DMD: variants seen among roughly 807,000 people sequenced by gnomAD.
DMD encodes mutant dystrophin.
DMD carries 63 observed loss-of-function variants against 330.1 expected under a neutral mutation model. The observed-to-expected ratio is 0.19, with a 90% CI of 0.16 to 0.24. DMD has a LOEUF of 0.24. Ranked by LOEUF, DMD falls within the 10% of genes least tolerant of loss-of-function variation. DMD has a pLI of 1.00. For synonymous variants in DMD, 1,223 were observed against 959.8 expected, an observed-to-expected ratio of 1.27 and a Z score of -5.07; for missense variants, 3,344 against 2,684.1, an observed-to-expected ratio of 1.25 and a Z score of -5.43.
At chrX:32,292,297 A>ATTTTTTTTTTTTTTTTTTTTTT (rs1291407513) in intron 42 of DMD, among the ~76,000 whole-genome samples, 1 of 38,730 alleles carries the variant, frequency 2.6e-5, no homozygotes, top group Non-Finnish European at 4.1e-5. Context: ...AACAAAGGGA[A>ATTTTTTTTTTTTTTTTTTTTTT]TATTCTTTTT....
At chrX:31,360,378 G>A (rs1345455885) in intron 60 of DMD, among the ~76,000 whole-genome samples, 1 of 112,105 alleles carries the variant, frequency 8.9e-6, no homozygotes. Flanking sequence ...CTGATGGCAA[G>A]TATTTCCATA....
chrX:31,968,262 C>G, intron 45 of DMD, 77 bp downstream of exon 45: 1 of 1,122,566 alleles, frequency 8.9e-7, no homozygotes. Context: ...CTTATAATCT[C>G]TCATGAAATA....
In DMD at chrX:32,918,979, G is replaced by C. The variant is rs753923473; in HGVS notation, c.94-69159C>G. ...AGATTTTGTCTGGGTCCCAAAGGAC[G>C]TTCAAAAGCTTGGTAGGTTGAGAAA... On this transcript the variant is annotated intron_variant, in intron 2 of 78. Transcript: ENST00000357033. 1.1e-3 allele frequency among the ~76,000 whole-genome samples: 128 copies of C among 112,294 alleles called. 2 individuals are homozygous for C. The highest frequency in any genetic ancestry group is 3.2e-3 in the Admixed American group (34 of 10,577).
chrX:32,828,934 A>G (rs982900453), intron 4 of DMD, among the ~76,000 whole-genome samples: 1 of 111,327 alleles, frequency 9.0e-6, no homozygotes. Flanking sequence ...ATTGTCTGTT[A>G]ATATGTTTTG....
chrX:32,867,197 T>C (rs1481528506), intron 2 of DMD, among the ~76,000 whole-genome samples: 3 of 111,715 alleles, frequency 2.7e-5, no homozygotes, highest in Non-Finnish European at 5.6e-5. Context: ...GACTTTATTT[T>C]TCTCCCATTT....
intron 2 of DMD, among the ~76,000 whole-genome samples, chrX:32,912,845 T>C (rs2087407265): frequency 8.9e-6 from 1 of 111,736 alleles, no homozygotes; most frequent in Non-Finnish European, 1.9e-5. Context: ...TTCAAGTTAC[T>C]GTGGAAAATT....
chrX:32,967,210 T>C (rs917528286), intron 2 of DMD, among the ~76,000 whole-genome samples: 4 of 111,494 alleles, frequency 3.6e-5, no homozygotes, highest in African/African-American at 1.3e-4. Flanking sequence ...TAAAATTGGA[T>C]TCCCCAAGAT....
intron 1 of DMD, among the ~76,000 whole-genome samples, chrX:33,306,830 T>C (rs2053769805): frequency 9.0e-6 from 1 of 111,260 alleles, no homozygotes; most frequent in African/African-American, 3.3e-5. Context: ...CAAGATACTA[T>C]GGCGCTACCC....
intron 2 of DMD, among the ~76,000 whole-genome samples, chrX:32,953,111 G>T (rs1159420041): frequency 5.8e-5 from 6 of 102,669 alleles, no homozygotes; most frequent in Non-Finnish European, 1.2e-4. Context: ...CTCCAGCCTG[G>T]GTGACAGAGC....
chrX:32,434,368 C>A (rs1346100481), intron 29 of DMD, among the ~76,000 whole-genome samples: 1 of 111,557 alleles, frequency 9.0e-6, no homozygotes, highest in Non-Finnish European at 1.9e-5. Flanking sequence ...CAAGATCGTG[C>A]CATTGCACTC....
At chrX:32,537,746 T>C (rs1173823035) in intron 17 of DMD, among the ~76,000 whole-genome samples, 6 of 112,188 alleles carry the variant, frequency 5.3e-5, no homozygotes, top group African/African-American at 1.9e-4. Flanking sequence ...ACTATGCTTC[T>C]CCTTTTAGAT....
At chrX:32,946,770 A>G (rs990216055) in intron 2 of DMD, among the ~76,000 whole-genome samples, 4 of 111,147 alleles carry the variant, frequency 3.6e-5, no homozygotes, top group Non-Finnish European at 7.5e-5. Flanking sequence ...GGGAGCTGCT[A>G]TATTGTTTAC....
At chrX:32,361,526 A>G (rs1300010863) in intron 37 of DMD, among the ~76,000 whole-genome samples, 1 of 111,919 alleles carries the variant, frequency 8.9e-6, no homozygotes, top group Non-Finnish European at 1.9e-5. Context: ...AAGGTAAACT[A>G]ACAACTTTTT....
intron 11 of DMD, among the ~76,000 whole-genome samples, chrX:32,620,706 G>C (rs963568070): frequency 1.3e-4 from 14 of 111,831 alleles, no homozygotes; most frequent in Admixed American, 9.5e-4. Flanking sequence ...ATCTATGCAG[G>C]AAACTCATAT....
chrX:32,565,424 C>T (rs934655298), intron 16 of DMD, among the ~76,000 whole-genome samples: 1 of 111,362 alleles, frequency 9.0e-6, no homozygotes, highest in African/African-American at 3.3e-5. Flanking sequence ...ATACAGTTCC[C>T]AGCATTTTGT....
chrX:31,779,388 CT>C (rs1259178274), intron 50 of DMD, among the ~76,000 whole-genome samples: 2 of 111,482 alleles, frequency 1.8e-5, no homozygotes, highest in African/African-American at 6.5e-5. Context: ...TCTTATGCCC[CT>C]ATCTTGGGTT....
At chrX:31,921,397 G>T (rs1227430433) in intron 47 of DMD, among the ~76,000 whole-genome samples, 2 of 111,419 alleles carry the variant, frequency 1.8e-5, no homozygotes, top group African/African-American at 6.5e-5. Flanking sequence ...GGAGAGCAGT[G>T]GCTGAAAATC....
chrX:31,887,390 T>G (rs2094170303), intron 47 of DMD, among the ~76,000 whole-genome samples: 1 of 110,823 alleles, frequency 9.0e-6, no homozygotes, highest in Non-Finnish European at 1.9e-5. Flanking sequence ...CTCCAACTTC[T>G]TTAGCCTGCC....
At chrX:31,530,737 CAT>C (rs1490800521) in intron 55 of DMD, among the ~76,000 whole-genome samples, 2 of 59,488 alleles carry the variant, frequency 3.4e-5, no homozygotes, top group Non-Finnish European at 5.7e-5. Context: ...AGGTTAGTTA[CAT>C]ATGTATACAT....
Sources: gnomAD v4.1 joint callset for allele counts (sites outside exome capture counted in the v4.1 genomes callset) on GRCh38, gnomAD v4.1.1 for gene constraint, MANE v1.5 for transcripts, NCBI Gene and HGNC (gene_info 2026-07-23, HGNC 2026-07-21) for gene names.